The following TRMT9B variants were observed in gnomAD, a reference collection of about 807,000 sequenced individuals.
TRMT9B encodes the protein probable tRNA methyltransferase 9B.
A neutral mutation model predicts 11.5 loss-of-function variants in TRMT9B; 16 were observed. That is an observed-to-expected ratio of 1.39 (90% CI 0.94 to 2.11). TRMT9B has a LOEUF of 2.11. Ranked by LOEUF, TRMT9B falls within the 30% of genes most tolerant of loss-of-function variation. The pLI is 0.00. For missense variants in TRMT9B, 941 were observed against 553.8 expected, an observed-to-expected ratio of 1.70 and a Z score of -7.02; for synonymous variants, 274 against 192.4, an observed-to-expected ratio of 1.42 and a Z score of -3.51.
chr8:12,971,072 T>A (rs180882063), intron 1 of TRMT9B, among the ~76,000 whole-genome samples: 99 of 152,354 alleles, frequency 6.5e-4, no homozygotes, highest in African/African-American at 2.0e-3. Flanking sequence ...TGATGATTAA[T>A]CTGAGTAATT....
At chr8:12,980,267 T>C (rs543957910) in intron 1 of TRMT9B, among the ~76,000 whole-genome samples, 10 of 152,300 alleles carry the variant, frequency 6.6e-5, no homozygotes, top group African/African-American at 2.4e-4. Context: ...CTTTGGCTTG[T>C]GCTAGTGTAA....
intron 2 of TRMT9B, among the ~76,000 whole-genome samples, chr8:13,001,988 T>A (rs546431368): frequency 5.3e-5 from 8 of 152,358 alleles, no homozygotes; most frequent in African/African-American, 1.9e-4. Context: ...AAAATTCATG[T>A]GGAAACTATT....
intron 4 of TRMT9B, among the ~76,000 whole-genome samples, chr8:13,018,262 T>C (rs554079773): frequency 1.4e-3 from 209 of 151,504 alleles, no homozygotes; most frequent in African/African-American, 5.0e-3. Flanking sequence ...ATTAGCTGGG[T>C]GTGGTGATAT....
In TRMT9B at chr8:13,029,003, TC is replaced by T. The variant is rs1352106311; in HGVS notation, c.*6960del. The T allele has an allele frequency of 6.0e-6, 1 of 167,044 alleles. No individual in the cohort carries two copies. The highest frequency in any genetic ancestry group is 1.5e-5 in the Non-Finnish European group (1 of 68,120). 10.3% of individuals were successfully genotyped at this position (167,044 alleles called of 1,614,324 possible). ...TATGTATGTGCAAACTGTCCTATTT[TC>T]TTTATATGCTCTCTTAAATATGTAT... On this transcript the variant is annotated 3_prime_UTR_variant, in exon 5 of 5. Coordinates refer to ENST00000524591, the MANE Select transcript of TRMT9B (RefSeq NM_020844.3).
At chr8:12,968,415 A>G (rs1486801594) in intron 1 of TRMT9B, among the ~76,000 whole-genome samples, 5 of 152,228 alleles carry the variant, frequency 3.3e-5, no homozygotes, top group Admixed American at 3.3e-4. Flanking sequence ...TTTTCCTTTC[A>G]TAAACAGACA....
At chr8:12,993,743 A>C (rs918224621) in intron 2 of TRMT9B, among the ~76,000 whole-genome samples, 1 of 152,204 alleles carries the variant, frequency 6.6e-6, no homozygotes, top group Admixed American at 6.5e-5. Context: ...TGGCAACCCT[A>C]GTGGCCATGG....
intron 1 of TRMT9B, among the ~76,000 whole-genome samples, chr8:12,985,731 C>T (rs1806180542): frequency 6.6e-6 from 1 of 152,282 alleles, no homozygotes; most frequent in South Asian, 2.1e-4. Flanking sequence ...CTAATGCTGA[C>T]ATCTATGGGA....
chr8:12,977,022 C>A (rs1414373508), intron 1 of TRMT9B, among the ~76,000 whole-genome samples: 1 of 152,192 alleles, frequency 6.6e-6, no homozygotes, highest in African/African-American at 2.4e-5. Context: ...CCTTGGAGAG[C>A]CTCCTGGAGG....
chr8:13,009,336 G>C (rs1457086960), intron 3 of TRMT9B, among the ~76,000 whole-genome samples: 3 of 149,934 alleles, frequency 2.0e-5, no homozygotes, highest in South Asian at 2.1e-4. Context: ...TAAATTCAAA[G>C]GAAAAAAAAA....
chr8:13,012,689 G>C lies in TRMT9B; in HGVS notation c.160G>C (p.Gly54Arg), dbSNP rs932033001. The part of the protein sequence containing the change: ...PGSLIADIGC[G>R]TGKYLKVNSQ... ...CGCAGGTTTTTCTCTTATAGGTTGT[G>C]GGACTGGAAAATATCTTAAAGTGAA... Residue 54 changes from glycine (G) to arginine (R), a missense_variant, in exon 4 of 5, where the codon GGG (glycine) becomes CGG (arginine). Coordinates refer to ENST00000524591, the MANE Select transcript of TRMT9B (RefSeq NM_020844.3). The C allele has an allele frequency of 1.2e-6, 2 of 1,612,442 alleles. No individual in the cohort carries two copies. The highest frequency in any genetic ancestry group is 1.3e-5 in the African/African-American group (1 of 74,890).
At chr8:13,017,902 G>C (rs911215156) in intron 4 of TRMT9B, among the ~76,000 whole-genome samples, 3 of 151,772 alleles carry the variant, frequency 2.0e-5, no homozygotes, top group African/African-American at 7.3e-5. Context: ...GGAATTACAG[G>C]TGTGAGGCAC....
chr8:13,016,093 G>GGTATATATATATGAT, intron 4 of TRMT9B, among the ~76,000 whole-genome samples: 1 of 139,078 alleles, frequency 7.2e-6, no homozygotes. Context: ...AAATCATATG[G>GGTATATATATATGAT]GTATATATAT....
intron 1 of TRMT9B, among the ~76,000 whole-genome samples, chr8:12,957,870 C>G (rs1801518534): frequency 1.3e-5 from 2 of 152,074 alleles, no homozygotes; most frequent in Admixed American, 6.5e-5. Flanking sequence ...TGCTGTGCAA[C>G]CATCGCTGCC....
chr8:12,989,554 G>A (rs907472291), intron 1 of TRMT9B, among the ~76,000 whole-genome samples: 1 of 152,112 alleles, frequency 6.6e-6, no homozygotes. Flanking sequence ...TCTTACTGAT[G>A]GGGGCGTTGA....
intron 3 of TRMT9B, among the ~76,000 whole-genome samples, chr8:13,009,381 G>C (rs916904503): frequency 1.3e-5 from 2 of 152,148 alleles, no homozygotes; most frequent in Non-Finnish European, 2.9e-5. Flanking sequence ...GAAAAATAGG[G>C]AAAGGATGTG....
At chr8:12,949,794 C>G (rs1397241140) in intron 1 of TRMT9B, among the ~76,000 whole-genome samples, 3 of 152,186 alleles carry the variant, frequency 2.0e-5, no homozygotes, top group Admixed American at 6.5e-5. Context: ...ATCTCTGCCT[C>G]TATTATGTCT....
At position 12,990,922 on chromosome 8, in the gene TRMT9B, C is replaced by CGTTACACATTGAGAAAGTTATGA; in HGVS notation, c.-109_-87dup. ...TTTCACTCCTACAAGTTTTCATTTA[C>CGTTACACATTGAGAAAGTTATGA]GTTACACATTGAGAAAGTTATGAGA... On this transcript the variant is annotated 5_prime_UTR_variant, in exon 2 of 5. The change creates a new upstream start codon in the 5' untranslated region. Coordinates refer to ENST00000524591, the MANE Select transcript of TRMT9B (RefSeq NM_020844.3). The CGTTACACATTGAGAAAGTTATGA allele has an allele frequency of 1.6e-6, 2 of 1,289,152 alleles. No homozygotes were observed. The highest frequency in any genetic ancestry group is 2.0e-6 in the Non-Finnish European group (2 of 988,380). The allele number at this position is 1,289,152 out of a possible 1,614,324, so 79.9% of individuals were successfully genotyped here. A position where few individuals can be genotyped will look rare whatever the true frequency, so the allele number is the denominator to read the frequency against.
intron 1 of TRMT9B, among the ~76,000 whole-genome samples, chr8:12,960,878 C>T (rs1046281247): frequency 7.2e-5 from 11 of 152,132 alleles, no homozygotes; most frequent in East Asian, 1.9e-4. Flanking sequence ...CGCGGTGGCT[C>T]ACACCTGTAA....
At chr8:13,017,707 G>A (rs1223770310) in intron 4 of TRMT9B, among the ~76,000 whole-genome samples, 1 of 145,324 alleles carries the variant, frequency 6.9e-6, no homozygotes. Context: ...TCTGCCTCCT[G>A]GGCTCTAGAG....
Sources: allele counts gnomAD v4.1 joint callset (sites outside exome capture counted in the v4.1 genomes callset), GRCh38; gene constraint gnomAD v4.1.1; transcripts MANE v1.5; gene names NCBI Gene and HGNC (gene_info 2026-07-23, HGNC 2026-07-21).